The following ARHGEF28 variants were observed in gnomAD, a reference collection of about 807,000 sequenced individuals.
ARHGEF28 encodes Rho guanine nucleotide exchange factor 28.
Under a neutral mutation model 206.6 loss-of-function variants are expected in ARHGEF28, and 152 were observed. That is an observed-to-expected ratio of 0.74 (90% CI 0.64 to 0.84). The LOEUF (loss-of-function observed/expected upper bound fraction) is 0.84. Among genes scored for constraint, ARHGEF28 ranks in the 40% least tolerant of loss-of-function variants. ARHGEF28 has a pLI of 0.00. For synonymous variants in ARHGEF28, 763 were observed against 776.4 expected (o/e 0.98, Z 0.29); for missense variants, 2,028 against 2,073.2 (o/e 0.98, Z 0.42).
At chr5:73,811,800 T>C (rs1183966795) in intron 9 of ARHGEF28, among the ~76,000 whole-genome samples, 1 of 151,998 alleles carries the variant, frequency 6.6e-6, no homozygotes, top group Non-Finnish European at 1.5e-5. Flanking sequence ...CTGGCTGACG[T>C]AGAAATAACA....
intron 14 of ARHGEF28, among the ~76,000 whole-genome samples, chr5:73,853,167 A>G (rs1035658801): frequency 2.6e-5 from 4 of 152,248 alleles, no homozygotes; most frequent in African/African-American, 4.8e-5. Flanking sequence ...AAGCATGATC[A>G]GTTTCCTGGT....
At chr5:73,726,949 A>G (rs907604286) in intron 2 of ARHGEF28, among the ~76,000 whole-genome samples, 3 of 152,324 alleles carry the variant, frequency 2.0e-5, no homozygotes, top group Middle Eastern at 3.4e-3. Flanking sequence ...CAGTGTTTGT[A>G]CTCAGAAAAG....
chr5:73,783,988 C>A (rs1754005286), intron 7 of ARHGEF28, among the ~76,000 whole-genome samples: 1 of 152,036 alleles, frequency 6.6e-6, no homozygotes, highest in African/African-American at 2.4e-5. Context: ...TGAAAGAGTA[C>A]TAGAAACTGT....
intron 9 of ARHGEF28, among the ~76,000 whole-genome samples, chr5:73,806,421 TA>T (rs1481631341): frequency 1.2e-4 from 15 of 128,864 alleles, no homozygotes; most frequent in South Asian, 2.4e-4. Context: ...TATAGATATA[TA>T]CTATATATAG....
chr5:73,939,123 T>C (rs562398187), intron 35 of ARHGEF28, among the ~76,000 whole-genome samples: 17 of 152,264 alleles, frequency 1.1e-4, no homozygotes, highest in Non-Finnish European at 2.4e-4. Flanking sequence ...AGTCATCACG[T>C]GGCTGCCATC....
chr5:73,813,237 A>G (rs925124058), intron 9 of ARHGEF28, among the ~76,000 whole-genome samples: 3 of 151,932 alleles, frequency 2.0e-5, no homozygotes, highest in African/African-American at 7.3e-5. Flanking sequence ...TTCCTCCTTC[A>G]TTTCCATTTC....
chr5:73,780,862 A>T, intron 7 of ARHGEF28, 117 bp downstream of exon 7: 2 of 1,106,286 alleles, frequency 1.8e-6, no homozygotes, highest in Non-Finnish European at 2.6e-6. Context: ...CAGAGGCAAG[A>T]TCAGGGGTGT....
intron 4 of ARHGEF28, among the ~76,000 whole-genome samples, chr5:73,761,064 CAGCCTACCCA>C (rs1752577616): frequency 6.6e-6 from 1 of 152,186 alleles, no homozygotes; most frequent in Non-Finnish European, 1.5e-5. Flanking sequence ...TGGAAGCAAA[CAGCCTACCCA>C]ATGTGCTTCC....
chr5:73,731,102 G>A (rs893575358), intron 2 of ARHGEF28, among the ~76,000 whole-genome samples: 1 of 151,784 alleles, frequency 6.6e-6, no homozygotes, highest in African/African-American at 2.4e-5. Flanking sequence ...TAGTAACTGT[G>A]CTCAACCTAA....
intron 6 of ARHGEF28, among the ~76,000 whole-genome samples, chr5:73,779,895 G>A (rs1753735416): frequency 6.6e-6 from 1 of 152,144 alleles, no homozygotes; most frequent in Non-Finnish European, 1.5e-5. Flanking sequence ...TTGTTCCTAA[G>A]TAGTCAAAGA....
chr5:73,665,531 A>C (rs1308883642), intron 1 of ARHGEF28, among the ~76,000 whole-genome samples: 1 of 152,172 alleles, frequency 6.6e-6, no homozygotes, highest in Non-Finnish European at 1.5e-5. Flanking sequence ...CTAATGGAGT[A>C]ACACAGATGG....
At position 73,677,628 on chromosome 5, in the gene ARHGEF28, G is replaced by A. The variant is rs1226849636; in HGVS notation, c.-11-7213G>A. Among the ~76,000 whole-genome samples, 3 of 152,080 alleles carry A rather than the reference G, an allele frequency of 2.0e-5. No individual in the cohort carries two copies. The East Asian group carries it at 5.8e-4, about 29-fold the overall frequency. On this transcript the variant is annotated intron_variant, in intron 1 of 35. Coordinates refer to ENST00000513042, the MANE Select transcript of ARHGEF28 (RefSeq NM_001177693.2). ...AAATAGTCTAATACTTTTTTTTAGA[G>A]TTAACAAACAATAAAAGATATTTGG...
intron 1 of ARHGEF28, among the ~76,000 whole-genome samples, chr5:73,644,417 T>C (rs1744308902): frequency 6.6e-6 from 1 of 152,214 alleles, no homozygotes; most frequent in Non-Finnish European, 1.5e-5. Context: ...CCTGTTTGCA[T>C]CCACCTCTGC....
chr5:73,644,794 T>C (rs1275218171), intron 1 of ARHGEF28, among the ~76,000 whole-genome samples: 1 of 152,192 alleles, frequency 6.6e-6, no homozygotes, highest in African/African-American at 2.4e-5. Context: ...CTGAGACCAG[T>C]TGAATTAGAA....
chr5:73,782,837 T>C (rs989934053), intron 7 of ARHGEF28, among the ~76,000 whole-genome samples: 1 of 152,246 alleles, frequency 6.6e-6, no homozygotes, highest in Non-Finnish European at 1.5e-5. Flanking sequence ...TTCTTACTTC[T>C]AGCTTTCTGA....
chr5:73,855,961 A>T (rs1759005596), intron 14 of ARHGEF28, among the ~76,000 whole-genome samples: 1 of 152,148 alleles, frequency 6.6e-6, no homozygotes, highest in South Asian at 2.1e-4. Flanking sequence ...TGACCTCAAA[A>T]TCCACAGTGA....
intron 2 of ARHGEF28, among the ~76,000 whole-genome samples, chr5:73,740,751 A>G (rs1245701649): frequency 6.6e-6 from 1 of 151,992 alleles, no homozygotes; most frequent in African/African-American, 2.4e-5. Context: ...CTTTGTCTAT[A>G]TTTGTATTAA....
At chr5:73,640,203 A>G (rs1414557326) in intron 1 of ARHGEF28, among the ~76,000 whole-genome samples, 1 of 152,150 alleles carries the variant, frequency 6.6e-6, no homozygotes, top group Non-Finnish European at 1.5e-5. Flanking sequence ...TTTTCTCTTG[A>G]AGGGATCAGA....
chr5:73,661,537 T>C (rs7730596), intron 1 of ARHGEF28, among the ~76,000 whole-genome samples: 112,383 of 152,004 alleles, frequency 0.74, 41,642 homozygotes, highest in East Asian at 0.83. Context: ...TGGCTTTTGA[T>C]GTGCCTTTCT....
Sources: allele counts gnomAD v4.1 joint callset (sites outside exome capture counted in the v4.1 genomes callset), GRCh38; gene constraint gnomAD v4.1.1; transcripts MANE v1.5; gene names NCBI Gene and HGNC (gene_info 2026-07-23, HGNC 2026-07-21).